Variants in ATP10B observed in about 807,000 individuals in gnomAD.
ATP10B encodes ATPase phospholipid transporting 10B (putative).
ATP10B carries 122 observed loss-of-function variants against 141.2 expected under a neutral mutation model. The observed-to-expected ratio is 0.86, with a 90% CI of 0.75 to 1.00. The LOEUF (loss-of-function observed/expected upper bound fraction) is 1.00, where lower values mean the gene tolerates loss of function less well. Among genes scored for constraint, ATP10B ranks in the 50% least tolerant of loss-of-function variants. The pLI is 0.00. For missense variants in ATP10B, 1,876 were observed against 1,825.3 expected (o/e 1.03, Z -0.51); for synonymous variants, 685 against 692.0 (o/e 0.99, Z 0.16).
chr5:160,838,595 C>A (rs926278830), intron 1 of ATP10B, among the ~76,000 whole-genome samples: 5 of 152,130 alleles, frequency 3.3e-5, no homozygotes, highest in African/African-American at 1.2e-4. Context: ...CTTTGGCCTT[C>A]AGAATCTACC....
intron 13 of ATP10B, among the ~76,000 whole-genome samples, chr5:160,629,417 T>C (rs752686042): frequency 6.6e-5 from 10 of 152,322 alleles, no homozygotes; most frequent in Non-Finnish European, 8.8e-5. Flanking sequence ...GACTCTTTCC[T>C]GGTGGGGTGA....
chr5:160,752,173 C>CTTT (rs561913092), intron 2 of ATP10B, among the ~76,000 whole-genome samples: 5 of 123,294 alleles, frequency 4.1e-5, no homozygotes, highest in Non-Finnish European at 6.9e-5. Context: ...AGTCCCCCTA[C>CTTT]TTTTTTTTTT....
intron 3 of ATP10B, among the ~76,000 whole-genome samples, chr5:160,707,233 G>A (rs904981582): frequency 6.6e-6 from 1 of 152,190 alleles, no homozygotes; most frequent in African/African-American, 2.4e-5. Context: ...TTACAGGCAT[G>A]AGCCACCGTG....
At chr5:160,597,458 G>C (rs1412455177) in intron 22 of ATP10B, among the ~76,000 whole-genome samples, 1 of 152,100 alleles carries the variant, frequency 6.6e-6, no homozygotes, top group Non-Finnish European at 1.5e-5. Flanking sequence ...GAAAACCTAG[G>C]CATTACCATT....
chr5:160,631,091 A>G (rs1052994697), intron 13 of ATP10B, among the ~76,000 whole-genome samples: 1 of 152,224 alleles, frequency 6.6e-6, no homozygotes, highest in Non-Finnish European at 1.5e-5. Context: ...AAAGACTGGG[A>G]AAAAATTGGC....
Position 160,634,616 on chromosome 5 carries a change from G to A in ATP10B, c.1129-10C>T. ...AGATGGGGATCAGCACCTGAAAAGA[G>A]ATGAGTTTCTACCATTCAGAAACCA... On this transcript the variant is annotated splice_polypyrimidine_tract_variant and intron_variant, in intron 11 of 25. Coordinates refer to ENST00000327245, the MANE Select transcript of ATP10B (RefSeq NM_025153.3). 1 of 1,597,576 alleles carries A rather than the reference G, an allele frequency of 6.3e-7. No individual in the cohort carries two copies. The highest frequency in any genetic ancestry group is 8.5e-7 in the Non-Finnish European group (1 of 1,171,398).
At chr5:160,701,844 T>C (rs952739786) in intron 3 of ATP10B, among the ~76,000 whole-genome samples, 1 of 151,296 alleles carries the variant, frequency 6.6e-6, no homozygotes, top group Non-Finnish European at 1.5e-5. Context: ...TCTATTCTAA[T>C]GCCTCCTGGG....
chr5:160,844,701 A>T lies in ATP10B; in HGVS notation c.-576+7240T>A, dbSNP rs1776012960. ...GTTGGGATTACAGGCATGCACCAAC[A>T]TGTCCTGATAATTTTTGTATTTTTA... On this transcript the variant is annotated intron_variant, in intron 1 of 25. Coordinates refer to ENST00000327245, the MANE Select transcript of ATP10B (RefSeq NM_025153.3). 2.6e-5 allele frequency among the ~76,000 whole-genome samples: 4 copies of T among 152,138 alleles called. No individual in the cohort carries two copies. The South Asian group carries it at 8.3e-4, about 32-fold the overall frequency.
At chr5:160,676,089 G>T (rs1025278331) in intron 6 of ATP10B, among the ~76,000 whole-genome samples, 3 of 152,144 alleles carry the variant, frequency 2.0e-5, no homozygotes, top group Non-Finnish European at 4.4e-5. Flanking sequence ...GCTAGTGAGG[G>T]CTGGAACATT....
At chr5:160,725,723 G>A (rs1293625966) in intron 2 of ATP10B, among the ~76,000 whole-genome samples, 1 of 152,172 alleles carries the variant, frequency 6.6e-6, no homozygotes, top group Admixed American at 6.5e-5. Context: ...GGGATTACAG[G>A]CGTGAGCCAC....
intron 7 of ATP10B, among the ~76,000 whole-genome samples, chr5:160,657,062 G>A (rs1475935247): frequency 5.3e-5 from 8 of 152,162 alleles, no homozygotes; most frequent in African/African-American, 1.9e-4. Flanking sequence ...GTCCTGTGTG[G>A]ACTGCTCAGC....
chr5:160,622,661 G>A, intron 13 of ATP10B, 76 bp from the exon 14 acceptor site: 2 of 1,354,720 alleles, frequency 1.5e-6, no homozygotes, highest in Middle Eastern at 2.0e-4. Flanking sequence ...CATGCCTGGG[G>A]AAAGGATGAT....
intron 22 of ATP10B, among the ~76,000 whole-genome samples, chr5:160,592,651 C>T (rs1376423015): frequency 6.6e-6 from 1 of 152,230 alleles, no homozygotes; most frequent in African/African-American, 2.4e-5. Context: ...AGGGAGTTCC[C>T]CTTCCTAGTC....
intron 25 of ATP10B, among the ~76,000 whole-genome samples, chr5:160,567,015 T>G (rs73304642): frequency 0.011 from 1,661 of 152,288 alleles, 28 homozygotes; most frequent in African/African-American, 0.038. Flanking sequence ...GATAAACTTT[T>G]TTTGTTCTCT....
At chr5:160,715,455 G>A (rs1342039683) in intron 3 of ATP10B, among the ~76,000 whole-genome samples, 2 of 144,240 alleles carry the variant, frequency 1.4e-5, no homozygotes, top group Admixed American at 1.4e-4. Flanking sequence ...GTGAGGCAAT[G>A]CCTCGCCCTG....
chr5:160,800,537 A>G (rs529684992), intron 1 of ATP10B, among the ~76,000 whole-genome samples: 1 of 152,362 alleles, frequency 6.6e-6, no homozygotes, highest in Non-Finnish European at 1.5e-5. Flanking sequence ...AGCCATTGTT[A>G]GGGTTATAAT....
rs28673797 is a variant in ATP10B at position 160,617,825 on chromosome 5, T to C, written c.2526+39A>G. The C allele has an allele frequency of 3.5e-3, 5,302 of 1,520,014 alleles. 163 individuals are homozygous for C. In the African/African-American group the frequency reaches 0.065, roughly 19 times the overall value. The allele number at this position is 1,520,014 out of a possible 1,614,324, so 94.2% of individuals were successfully genotyped here. ...GCAGGGTCAAGGCCATTCAGCTATT[T>C]AATGATATTCAAAGCACGCTTGGAG... On this transcript the variant is annotated intron_variant, in intron 16 of 25. Coordinates refer to ENST00000327245, the MANE Select transcript of ATP10B (RefSeq NM_025153.3).
chr5:160,854,698 G>C (rs949961015), upstream of ATP10B, among the ~76,000 whole-genome samples: 1 of 152,086 alleles, frequency 6.6e-6, no homozygotes, highest in Admixed American at 6.6e-5. Context: ...GGATTGCTGG[G>C]TCAAATTGTA....
At chr5:160,891,058 G>A in the ATP10B span, among the ~76,000 whole-genome samples, 224 of 152,146 alleles carry the variant, frequency 1.5e-3, no homozygotes, top group African/African-American at 4.9e-3. Flanking sequence ...TAATTCTTTT[G>A]CATGTATACT....
Sources: gnomAD v4.1 joint callset for allele counts (sites outside exome capture counted in the v4.1 genomes callset) on GRCh38, gnomAD v4.1.1 for gene constraint, MANE v1.5 for transcripts, NCBI Gene and HGNC (gene_info 2026-07-23, HGNC 2026-07-21) for gene names.